Variants in SYCP2L observed in about 807,000 individuals in gnomAD.
SYCP2L encodes the protein synaptonemal complex protein 2-like.
In SYCP2L, 98 loss-of-function variants were observed where a neutral mutation model predicts 125.8. That is an observed-to-expected ratio of 0.78 (90% confidence interval 0.66 to 0.92). The LOEUF (loss-of-function observed/expected upper bound fraction) is 0.92, where lower values mean the gene tolerates loss of function less well. Among genes scored for constraint, SYCP2L ranks in the 40% least tolerant of loss-of-function variants. The probability of loss-of-function intolerance (pLI) is 0.00; values close to 1 mark genes in which losing one functional copy is unlikely to be tolerated. For synonymous variants in SYCP2L, 317 were observed against 325.4 expected (o/e 0.97, Z 0.28); for missense variants, 842 against 936.4 (o/e 0.90, Z 1.32).
rs1051650619 is a variant in SYCP2L at position 10,967,902 on chromosome 6, C to T, written c.*37+4059C>T. On this transcript the variant is annotated intron_variant, in intron 29 of 29. Coordinates refer to ENST00000283141, the MANE Select transcript of SYCP2L (RefSeq NM_001040274.3). ...TCTCCAGCAAAATTCTGCTCAGATT[C>T]AGGTGTAAAGAAAGTAGAGAGAAGG... is the stretch of plus-strand genomic sequence containing the variant. Among the ~76,000 whole-genome samples the T allele has an allele frequency of 2.1e-4, 32 of 152,232 alleles. No homozygotes were observed. In the Middle Eastern group the frequency reaches 0.01, roughly 49 times the overall value.
At position 10,938,981 on chromosome 6, in the gene SYCP2L, A is replaced by G. The variant is rs141011534; in HGVS notation, c.1814-3478A>G. Among the ~76,000 whole-genome samples the G allele has an allele frequency of 9.0e-3, 1,369 of 152,166 alleles. 5 individuals are homozygous for G. Among genetic ancestry groups the G allele is most frequent in the Non-Finnish European group, 0.015 (1,044 of 67,986 alleles). ...TAAAAATACAACATATTAGCTAGGCATGGTGGCACACTCCTGTAGTCCCAG... is the reference window on the plus strand; with the variant it reads ...TAAAAATACAACATATTAGCTAGGCGTGGTGGCACACTCCTGTAGTCCCAG... On this transcript the variant is annotated intron_variant, in intron 21 of 29. Transcript: ENST00000283141.
intron 11 of SYCP2L, 88 bp from the exon 12 acceptor site, chr6:10,910,736 C>G: frequency 2.2e-6 from 3 of 1,374,270 alleles, no homozygotes; most frequent in Middle Eastern, 1.8e-4. Flanking sequence ...ATGGCATACT[C>G]TAGTTATAAG....
In SYCP2L at chr6:10,935,113, C is replaced by T; in HGVS notation, c.1739C>T (p.Ser580Phe). ...KEIPEQNNTT[S>F]PKTSEQKFQD... Reference sequence around the variant, plus strand: ...ATACCCGAGCAAAATAACACCACATCTCCAAAGACTTCTGAACAAAAATTC... The same window carrying T: ...ATACCCGAGCAAAATAACACCACATTTCCAAAGACTTCTGAACAAAAATTC... The change falls in exon 21 of 30, where the codon TCT becomes TTT. Residue 580 changes from serine (S) to phenylalanine (F), a missense_variant. Ser to Phe is a radical substitution (Grantham distance 155). Transcript: ENST00000283141. The T allele has an allele frequency of 6.2e-7, 1 of 1,613,146 alleles. No individual in the cohort carries two copies.
intron 23 of SYCP2L, among the ~76,000 whole-genome samples, chr6:10,946,337 G>A (rs539777207): frequency 6.6e-5 from 10 of 151,622 alleles, no homozygotes; most frequent in Admixed American, 2.0e-4. Context: ...TTTCCATAAC[G>A]TGTAAATTTC....
chr6:10,907,650 C>T lies in SYCP2L; in HGVS notation c.785C>T (p.Ala262Val). ...KWFDDEVIAE[A>V]FKEIKDREFE... is the part of the protein sequence containing the mutation. ...TTTGATGATGAAGTCATTGCTGAAG[C>T]TTTCAAAGAAATTAAGGATCGAGAA... The change falls in exon 10 of 30, where the codon GCT (alanine) becomes GTT (valine). Residue 262 changes from alanine (A) to valine (V), a missense_variant. Coordinates refer to ENST00000283141, the MANE Select transcript of SYCP2L (RefSeq NM_001040274.3). The T allele has an allele frequency of 1.2e-6, 2 of 1,612,702 alleles. No individual in the cohort carries two copies. The highest frequency in any genetic ancestry group is 1.7e-4 in the Middle Eastern group (1 of 6,050).
intron 14 of SYCP2L, among the ~76,000 whole-genome samples, chr6:10,921,353 A>ATT (rs1780798155): frequency 2.0e-5 from 3 of 152,138 alleles, no homozygotes; most frequent in Admixed American, 2.0e-4. Flanking sequence ...GTGTGCATGT[A>ATT]TTTTTATAAT....
chr6:10,930,334 C>G (rs779730563), intron 18 of SYCP2L, 36 bp from the exon 19 acceptor site: 1 of 1,593,388 alleles, frequency 6.3e-7, no homozygotes, highest in Non-Finnish European at 8.5e-7. Context: ...CACTAACACC[C>G]CTCTAAAAAT....
intron 8 of SYCP2L, among the ~76,000 whole-genome samples, chr6:10,905,548 T>C (rs896659574): frequency 6.6e-6 from 1 of 152,182 alleles, no homozygotes; most frequent in African/African-American, 2.4e-5. Flanking sequence ...CGTCTCGGCC[T>C]CCCAAACTGC....
At chr6:10,928,533 G>A in intron 18 of SYCP2L, 83 bp downstream of exon 18, 1 of 1,438,146 alleles carries the variant, frequency 7.0e-7, no homozygotes, top group Non-Finnish European at 9.1e-7. Context: ...CCTGGTTCAT[G>A]GACCATTTTC....
intron 24 of SYCP2L, 100 bp from the exon 25 acceptor site, chr6:10,956,036 G>A: frequency 2.1e-6 from 2 of 951,736 alleles, no homozygotes; most frequent in Non-Finnish European, 3.2e-6. Context: ...GTTCGCATCT[G>A]TGCTTCCAAA....
chr6:10,911,894 C>CTTTTTTTTTTTTTTTTTTTTTT (rs58800098), intron 12 of SYCP2L, among the ~76,000 whole-genome samples: 2 of 50,018 alleles, frequency 4.0e-5, no homozygotes, highest in African/African-American at 7.1e-5. Context: ...GGAATAAAAG[C>CTTTTTTTTTTTTTTTTTTTTTT]TTTTTTTTTT....
chr6:10,964,256 A>G (rs2113424044), intron 29 of SYCP2L, among the ~76,000 whole-genome samples: 1 of 152,108 alleles, frequency 6.6e-6, no homozygotes, highest in South Asian at 2.1e-4. Flanking sequence ...TGTGCCTGGC[A>G]GAGCTTCTCC....
chr6:10,899,805 T>C (rs1464084510), intron 6 of SYCP2L, among the ~76,000 whole-genome samples: 2 of 152,208 alleles, frequency 1.3e-5, no homozygotes, highest in Non-Finnish European at 2.9e-5. Context: ...ACTTGGTTGG[T>C]CCTCATAATT....
chr6:10,971,457 CAAAAAAAAAA>C (rs564161444), intron 29 of SYCP2L, among the ~76,000 whole-genome samples: 2 of 99,376 alleles, frequency 2.0e-5, no homozygotes, highest in South Asian at 3.3e-4. Flanking sequence ...GACTCTGTCT[CAAAAAAAAAA>C]AAAAAAAAGA....
intron 14 of SYCP2L, among the ~76,000 whole-genome samples, chr6:10,922,366 T>G (rs1780812905): frequency 6.6e-6 from 1 of 152,184 alleles, no homozygotes; most frequent in Non-Finnish European, 1.5e-5. Context: ...GTTATGGAGT[T>G]GGCAGTGTAG....
intron 25 of SYCP2L, among the ~76,000 whole-genome samples, chr6:10,956,912 G>A (rs754533100): frequency 1.2e-4 from 19 of 152,232 alleles, no homozygotes; most frequent in Middle Eastern, 3.4e-3. Context: ...CTCTAACCTT[G>A]AACTCTTGGG....
At chr6:10,933,880 G>A (rs555072277) in intron 20 of SYCP2L, among the ~76,000 whole-genome samples, 13 of 152,120 alleles carry the variant, frequency 8.5e-5, no homozygotes, top group Non-Finnish European at 1.9e-4. Context: ...TTTAAATCTA[G>A]TATCCCCTTA....
intron 14 of SYCP2L, among the ~76,000 whole-genome samples, chr6:10,923,894 C>T (rs1016851298): frequency 4.3e-4 from 66 of 151,828 alleles, no homozygotes; most frequent in African/African-American, 1.6e-3. Flanking sequence ...CCGTGTTAGC[C>T]AGGATGGTCT....
chr6:10,903,465 G>A (rs1022166566), intron 8 of SYCP2L, among the ~76,000 whole-genome samples: 10 of 152,140 alleles, frequency 6.6e-5, no homozygotes, highest in Middle Eastern at 3.4e-3. Flanking sequence ...GGAGAATGGC[G>A]TGAACCTGGG....
Sources: allele counts gnomAD v4.1 joint callset (sites outside exome capture counted in the v4.1 genomes callset), GRCh38; gene constraint gnomAD v4.1.1; transcripts MANE v1.5; gene names NCBI Gene and HGNC (gene_info 2026-07-23, HGNC 2026-07-21).